Variants in CLDN2 observed in about 807,000 individuals in gnomAD.
The protein encoded by CLDN2 is claudin 2, also known as claudin-2.
A neutral mutation model predicts 8.2 loss-of-function variants in CLDN2; 1 was observed. That is an observed-to-expected ratio of 0.12 (90% CI 0.04 to 0.58). CLDN2 has a LOEUF of 0.58. Ranked by LOEUF, CLDN2 falls within the 20% of genes least tolerant of loss-of-function variation. The pLI, the probability that CLDN2 is intolerant of heterozygous loss-of-function variation, is 0.90. For missense variants in CLDN2, 108 were observed against 172.9 expected (o/e 0.62, Z 2.11); for synonymous variants, 70 against 70.2 (o/e 1.00, Z 0.01).
chrX:106,926,371 C>T (rs1213400609), intron 1 of CLDN2, among the ~76,000 whole-genome samples: 2 of 111,299 alleles, frequency 1.8e-5, no homozygotes, highest in Non-Finnish European at 3.8e-5. Context: ...AGGGTCTATC[C>T]TGGAAATTCA....
At chrX:106,916,663 G>C (rs928208103), upstream of CLDN2, among the ~76,000 whole-genome samples, 1 of 111,535 alleles carries the variant, frequency 9.0e-6, no homozygotes, top group African/African-American at 3.3e-5. Flanking sequence ...TGGAATTAAG[G>C]CTAACTCTGA....
Position 106,929,208 on chromosome X carries a change from A to C in CLDN2, c.*287A>C. ...CTCAACTTGAAACCCCATTCCCTTA[A>C]GCCAGGACTCAGAGGATCCCTTTGC... On this transcript the variant is annotated 3_prime_UTR_variant, in exon 2 of 2. Transcript: ENST00000336803. 1 of 356,979 alleles carries C rather than the reference A, an allele frequency of 2.8e-6. No homozygotes were observed. Among genetic ancestry groups the C allele is most frequent in the Non-Finnish European group, 5.0e-6 (1 of 199,340 alleles). The allele number at this position is 356,979 out of a possible 1,213,427, so 29.4% of individuals were successfully genotyped here.
At chrX:106,917,492 T>C (rs1264443699), upstream of CLDN2, among the ~76,000 whole-genome samples, 2 of 111,687 alleles carry the variant, frequency 1.8e-5, no homozygotes, top group Non-Finnish European at 3.8e-5. Flanking sequence ...GAACTTCTTT[T>C]GGTGGAACAG....
intron 1 of CLDN2, among the ~76,000 whole-genome samples, chrX:106,905,344 G>A (rs1933165414): frequency 8.9e-6 from 1 of 112,134 alleles, no homozygotes; most frequent in Admixed American, 9.4e-5. Flanking sequence ...TCAGTGAAAT[G>A]TGCTGCCTTG....
chrX:106,928,148 T>G lies in CLDN2; in HGVS notation c.-81T>G. 2 of 709,503 alleles carry G rather than the reference T, an allele frequency of 2.8e-6. No individual in the cohort carries two copies. Among genetic ancestry groups the G allele is most frequent in the Non-Finnish European group, 4.3e-6 (2 of 467,719 alleles). The allele number at this position is 709,503 out of a possible 1,213,427, so 58.5% of individuals were successfully genotyped here. A position where few individuals can be genotyped will look rare whatever the true frequency, so the allele number is the denominator to read the frequency against. On this transcript the variant is annotated 5_prime_UTR_variant, in exon 2 of 2. Coordinates refer to ENST00000336803, the MANE Select transcript of CLDN2 (RefSeq NM_020384.4). The stretch of plus-strand genomic sequence containing the variant: ...GGCAGAGAGACTCTGAAATGAGGGA[T>G]TAGAGGTGTTCAAGGAGCAAGAGCT...
At chrX:106,923,040 A>G (rs1051108144) in intron 1 of CLDN2, among the ~76,000 whole-genome samples, 7 of 106,629 alleles carry the variant, frequency 6.6e-5, no homozygotes, top group African/African-American at 2.4e-4. Context: ...CAGTGGCACA[A>G]TCTCGGCTCA....
upstream of CLDN2, among the ~76,000 whole-genome samples, chrX:106,920,215 C>G (rs1569288726): frequency 9.2e-6 from 1 of 109,101 alleles, no homozygotes. Context: ...CACAAGGCCT[C>G]TCCTGGGTTC....
At chrX:106,909,884 C>T (rs1006415843) in intron 1 of CLDN2, among the ~76,000 whole-genome samples, 1 of 111,447 alleles carries the variant, frequency 9.0e-6, no homozygotes, top group Non-Finnish European at 1.9e-5. Context: ...GCTCTCTTGG[C>T]AGAACCTCTC....
intron 1 of CLDN2, among the ~76,000 whole-genome samples, chrX:106,920,758 T>A (rs1202712889): frequency 8.9e-6 from 1 of 111,958 alleles, no homozygotes; most frequent in Non-Finnish European, 1.9e-5. Context: ...GGTTCAAATC[T>A]TTAAAACTTC....
intron 1 of CLDN2, among the ~76,000 whole-genome samples, chrX:106,910,383 G>T: frequency 9.0e-6 from 1 of 111,200 alleles, no homozygotes; most frequent in Non-Finnish European, 1.9e-5. Flanking sequence ...ATCTTATGAG[G>T]TAGTTACTAT....
intron 1 of CLDN2, among the ~76,000 whole-genome samples, chrX:106,924,594 C>A (rs746558905): frequency 5.4e-4 from 60 of 110,357 alleles, no homozygotes; most frequent in Non-Finnish European, 1.1e-3. Flanking sequence ...GCTGATGAAT[C>A]GTATTGACTA....
chrX:106,916,175 T>C (rs1305908103), upstream of CLDN2, among the ~76,000 whole-genome samples: 1 of 110,427 alleles, frequency 9.1e-6, no homozygotes, highest in African/African-American at 3.3e-5. Flanking sequence ...AACAAGATGC[T>C]TTGGGAGCAT....
At chrX:106,911,068 C>G (rs1451178257) in intron 1 of CLDN2, among the ~76,000 whole-genome samples, 1 of 112,019 alleles carries the variant, frequency 8.9e-6, no homozygotes, top group Non-Finnish European at 1.9e-5. Context: ...TGTGGCTATT[C>G]AGAGCACAGG....
In CLDN2 at chrX:106,928,182, A is replaced by G; in HGVS notation, c.-47A>G. ...TTCAAGGAGCAAGAGCTTCAGCCTGAAGACAAGGGAGCAGTCCCTGAAGAC... is the reference window on the plus strand; with the variant it reads ...TTCAAGGAGCAAGAGCTTCAGCCTGGAGACAAGGGAGCAGTCCCTGAAGAC... On this transcript the variant is annotated 5_prime_UTR_variant, in exon 2 of 2. Coordinates refer to ENST00000336803, the MANE Select transcript of CLDN2 (RefSeq NM_020384.4). 3.0e-6 allele frequency: 3 copies of G among 1,001,532 alleles called. No homozygotes were observed. In the South Asian group the frequency reaches 6.4e-5, roughly 21 times the overall value. 82.5% of individuals were successfully genotyped at this position (1,001,532 alleles called of 1,213,427 possible).
Position 106,900,964 on chromosome X carries a change from A to T in CLDN2, c.-179+460A>T, listed in dbSNP as rs746732015. 36 of 1,152,176 alleles carry T rather than the reference A, an allele frequency of 3.1e-5. No homozygotes were observed. In the East Asian group the frequency reaches 1.1e-3, roughly 35 times the overall value. 95.0% of individuals were successfully genotyped at this position (1,152,176 alleles called of 1,213,427 possible). A position where few individuals can be genotyped will look rare whatever the true frequency, so the allele number is the denominator to read the frequency against. On this transcript the variant is annotated intron_variant, in intron 1 of 1. Coordinates refer to the CLDN2 transcript ENST00000541806. ...CAGGTGTCATATGTGCAGAGGGGCC[A>T]GTAGGGCCAAGAAAGAAGCTGGCCC... is the stretch of plus-strand genomic sequence containing the variant.
At chrX:106,915,898 TCTCA>T (rs1933304184), upstream of CLDN2, among the ~76,000 whole-genome samples, 3 of 110,625 alleles carry the variant, frequency 2.7e-5, no homozygotes, top group Admixed American at 1.9e-4. Flanking sequence ...CACAATCTCT[TCTCA>T]GTCTGATTCC....
rs1049546090 is a variant in CLDN2, at chrX:106,910,777, C to T, written c.-179+10273C>T. Among the ~76,000 whole-genome samples, 5 of 110,836 alleles carry T rather than the reference C, an allele frequency of 4.5e-5. No homozygotes were observed. In the East Asian group the frequency reaches 1.4e-3, roughly 32 times the overall value. The stretch of plus-strand genomic sequence containing the variant: ...AGGCATGGAGAGATTAAGCAATTTA[C>T]CCAGGCTCAAGAAGCTATTGAGAGG... On this transcript the variant is annotated intron_variant, in intron 1 of 1. Coordinates refer to the CLDN2 transcript ENST00000541806.
chrX:106,922,191 A>C (rs1242833979), intron 1 of CLDN2, among the ~76,000 whole-genome samples: 1 of 112,007 alleles, frequency 8.9e-6, no homozygotes, highest in Non-Finnish European at 1.9e-5. Context: ...AGCCTGTCTC[A>C]CCACCCAACC....
At chrX:106,916,360 G>A (rs1374694914), upstream of CLDN2, among the ~76,000 whole-genome samples, 1 of 111,307 alleles carries the variant, frequency 9.0e-6, no homozygotes, top group African/African-American at 3.3e-5. Flanking sequence ...AGGGAAGGGA[G>A]AGCATTGTAG....
Sources: gnomAD v4.1 joint callset for allele counts (sites outside exome capture counted in the v4.1 genomes callset) on GRCh38, gnomAD v4.1.1 for gene constraint, MANE v1.5 for transcripts, NCBI Gene and HGNC (gene_info 2026-07-23, HGNC 2026-07-21) for gene names.